The following GSAP variants were observed in gnomAD, a reference collection of about 807,000 sequenced individuals.
GSAP encodes gamma-secretase-activating protein.
In GSAP, 118 loss-of-function variants were observed where a neutral mutation model predicts 131.7. The ratio of observed to expected loss-of-function variants is 0.90; its 90% CI spans 0.77 to 1.04. The LOEUF is 1.04. Ranked by LOEUF, GSAP falls within the 50% of genes least tolerant of loss-of-function variation. The probability of loss-of-function intolerance (pLI) is 0.00; values close to 1 mark genes in which losing one functional copy is unlikely to be tolerated. For synonymous variants in GSAP, 381 were observed against 363.4 expected (o/e 1.05, Z -0.55); for missense variants, 1,019 against 1,013.2 (o/e 1.01, Z -0.08).
In GSAP at chr7:77,360,977, C is replaced by T. The variant is rs950426530; in HGVS notation, c.950-76G>A. Reference sequence around the variant, plus strand: ...TCCACCCAAGGCAGTGACTATGTAACACACTATATTTTCAGTGACCATGAA... The same window carrying T: ...TCCACCCAAGGCAGTGACTATGTAATACACTATATTTTCAGTGACCATGAA... On this transcript the variant is annotated intron_variant, in intron 13 of 30. Coordinates refer to ENST00000257626, the MANE Select transcript of GSAP (RefSeq NM_017439.4). 4.4e-5 allele frequency: 36 copies of T among 812,836 alleles called. No homozygotes were observed. The Admixed American group carries it at 6.4e-4, about 14-fold the overall frequency. The allele number at this position is 812,836 out of a possible 1,614,324, so 50.4% of individuals were successfully genotyped here.
intron 5 of GSAP, among the ~76,000 whole-genome samples, chr7:77,391,726 T>G (rs192636204): frequency 1.4e-4 from 21 of 152,132 alleles, no homozygotes; most frequent in African/African-American, 5.1e-4. Flanking sequence ...TCCCAGTTAC[T>G]CAGAAGGTTG....
At chr7:77,322,552 G>A (rs1349874239) in intron 24 of GSAP, among the ~76,000 whole-genome samples, 3 of 151,320 alleles carry the variant, frequency 2.0e-5, no homozygotes, top group Non-Finnish European at 4.4e-5. Context: ...AAGGTGATAG[G>A]TGGATGTGTT....
At chr7:77,346,336 A>G (rs1180000251) in intron 19 of GSAP, among the ~76,000 whole-genome samples, 1 of 151,846 alleles carries the variant, frequency 6.6e-6, no homozygotes, top group Non-Finnish European at 1.5e-5. Context: ...CTAACAGCAA[A>G]AAGAAATTTT....
At chr7:77,341,188 T>A (rs112629831) in intron 19 of GSAP, among the ~76,000 whole-genome samples, 2,996 of 152,260 alleles carry the variant, frequency 0.02, 100 homozygotes, top group African/African-American at 0.068. Flanking sequence ...TTCTACACAT[T>A]GGTCCCTCCC....
chr7:77,320,378 C>T (rs928317143), intron 26 of GSAP, among the ~76,000 whole-genome samples: 2 of 152,124 alleles, frequency 1.3e-5, no homozygotes, highest in Non-Finnish European at 2.9e-5. Context: ...CAAGCCAGAC[C>T]GACTTCCCAG....
intron 18 of GSAP, chr7:77,351,444 C>T (rs1292281713): frequency 1.0e-5 from 10 of 974,964 alleles, no homozygotes; most frequent in Middle Eastern, 5.2e-4. Flanking sequence ...AGAACATTTG[C>T]AGATAAGAGA....
chr7:77,378,105 C>G lies in GSAP; in HGVS notation c.577-715G>C, dbSNP rs560726014. ...TGCTATAAGCCTCCCCCAGTGAGTA[C>G]GCACTCTTCTACAACACGTTTCTAT... On this transcript the variant is annotated intron_variant, in intron 8 of 30. Transcript: ENST00000257626. Among the ~76,000 whole-genome samples the G allele has an allele frequency of 2.6e-5, 4 of 152,306 alleles. No homozygotes were observed. In the South Asian group the frequency reaches 8.3e-4, roughly 32 times the overall value.
At position 77,406,091 on chromosome 7, in the gene GSAP, C is replaced by A. The variant is rs183423893; in HGVS notation, c.124G>T (p.Asp42Tyr). The change falls in exon 2 of 31, where the codon GAT becomes TAT. Residue 42 changes from aspartate to tyrosine, a missense_variant. Asp to Tyr is a radical substitution (Grantham distance 160). Coordinates refer to ENST00000257626, the MANE Select transcript of GSAP (RefSeq NM_017439.4). ...TTTAATACATGTAAGCTCTCATAAT[C>A]GTTTTCTAAAACATCTGAAATGATA... is the stretch of plus-strand genomic sequence containing the variant. The part of the protein sequence containing the change: ...GSGGADVLEN[D>Y]YESLHVLNVE... The A allele has an allele frequency of 8.1e-7, 1 of 1,230,704 alleles. No individual in the cohort carries two copies. Among genetic ancestry groups the A allele is most frequent in the South Asian group, 1.5e-5 (1 of 65,750 alleles). 76.2% of individuals were successfully genotyped at this position (1,230,704 alleles called of 1,614,324 possible).
chr7:77,395,491 C>A (rs1221010157), intron 5 of GSAP, among the ~76,000 whole-genome samples: 1 of 152,102 alleles, frequency 6.6e-6, no homozygotes, highest in Non-Finnish European at 1.5e-5. Flanking sequence ...GCAAGCCCTG[C>A]ACTTAATTCT....
chr7:77,342,835 C>G (rs886932773), intron 19 of GSAP, among the ~76,000 whole-genome samples: 8 of 152,160 alleles, frequency 5.3e-5, no homozygotes, highest in African/African-American at 1.9e-4. Context: ...TCAGGATCTG[C>G]GACTTATCAA....
intron 19 of GSAP, among the ~76,000 whole-genome samples, chr7:77,348,481 A>T (rs927548479): frequency 3.3e-5 from 5 of 152,086 alleles, no homozygotes; most frequent in African/African-American, 1.2e-4. Context: ...AAAATGCCAC[A>T]GCCTTCCCCC....
At chr7:77,363,593 C>T (rs978188857) in intron 12 of GSAP, among the ~76,000 whole-genome samples, 1 of 152,016 alleles carries the variant, frequency 6.6e-6, no homozygotes, top group African/African-American at 2.4e-5. Flanking sequence ...ATCAAAGAAT[C>T]GTGGTAGAAA....
At chr7:77,414,539 G>A (rs538362381) in intron 1 of GSAP, among the ~76,000 whole-genome samples, 1 of 152,304 alleles carries the variant, frequency 6.6e-6, no homozygotes, top group East Asian at 1.9e-4. Flanking sequence ...ACCTTCTGAG[G>A]ACCTAGAGCT....
chr7:77,395,381 C>G (rs541410680), intron 5 of GSAP, among the ~76,000 whole-genome samples: 3 of 152,240 alleles, frequency 2.0e-5, no homozygotes, highest in Middle Eastern at 6.8e-3. Context: ...AGGTCACAGC[C>G]ATATCCTGGG....
At chr7:77,340,861 C>T (rs1395567119) in intron 19 of GSAP, among the ~76,000 whole-genome samples, 1 of 152,052 alleles carries the variant, frequency 6.6e-6, no homozygotes, top group Non-Finnish European at 1.5e-5. Context: ...CTCACTACCC[C>T]CACCCCTTCT....
At chr7:77,324,192 G>T (rs1325177574) in intron 23 of GSAP, among the ~76,000 whole-genome samples, 1 of 152,122 alleles carries the variant, frequency 6.6e-6, no homozygotes, top group African/African-American at 2.4e-5. Context: ...GGAGTAAATG[G>T]GAAATAATCA....
chr7:77,328,114 C>G, intron 22 of GSAP: 1 of 646,000 alleles, frequency 1.5e-6, no homozygotes. Context: ...ATAAGTCCAG[C>G]TCTGTCTAGC....
chr7:77,367,546 A>T (rs754836708), intron 12 of GSAP, among the ~76,000 whole-genome samples: 46 of 152,336 alleles, frequency 3.0e-4, no homozygotes, highest in South Asian at 2.3e-3. Context: ...CCTCCCAGGG[A>T]TGAAACCTAC....
At chr7:77,409,638 C>G (rs1196707594) in intron 1 of GSAP, among the ~76,000 whole-genome samples, 1 of 152,180 alleles carries the variant, frequency 6.6e-6, no homozygotes, top group Admixed American at 6.5e-5. Flanking sequence ...CGACTCAAAA[C>G]TTCTGGAATG....
Sources: allele counts gnomAD v4.1 joint callset (sites outside exome capture counted in the v4.1 genomes callset), GRCh38; gene constraint gnomAD v4.1.1; transcripts MANE v1.5; gene names NCBI Gene and HGNC (gene_info 2026-07-23, HGNC 2026-07-21).